BNIP3L: variants seen among roughly 807,000 people sequenced by gnomAD.
BNIP3L encodes the protein BCL2 interacting protein 3 like.
In BNIP3L, 10 loss-of-function variants were observed where a neutral mutation model predicts 25.5. The ratio of observed to expected loss-of-function variants is 0.39; its 90% CI spans 0.24 to 0.67. The LOEUF (loss-of-function observed/expected upper bound fraction) is 0.67, where lower values mean the gene tolerates loss of function less well. Ranked by LOEUF, BNIP3L falls within the 30% of genes least tolerant of loss-of-function variation. The pLI, the probability that BNIP3L is intolerant of heterozygous loss-of-function variation, is 0.45. For missense variants in BNIP3L, 215 were observed against 270.9 expected (o/e 0.79, Z 1.45); for synonymous variants, 113 against 101.2 (o/e 1.12, Z -0.70).
At chr8:26,406,916 T>C (rs973392330) in intron 3 of BNIP3L, among the ~76,000 whole-genome samples, 1 of 152,156 alleles carries the variant, frequency 6.6e-6, no homozygotes, top group African/African-American at 2.4e-5. Flanking sequence ...CTCTCACTTA[T>C]TTTTGTTTTA....
rs564580294 is a variant in BNIP3L, at chr8:26,383,110, A to C, written c.-21A>C. ...CCGGAGACGGTCCTGCTGCTGCCGC[A>C]GTCCTGCCAGCTGTCCGACAATGTC... is the stretch of plus-strand genomic sequence containing the variant. On this transcript the variant is annotated 5_prime_UTR_variant, in exon 1 of 6. Coordinates refer to ENST00000380629, the MANE Select transcript of BNIP3L (RefSeq NM_004331.3). 1 of 1,588,576 alleles carries C rather than the reference A, an allele frequency of 6.3e-7. No individual in the cohort carries two copies. Among genetic ancestry groups the C allele is most frequent in the Non-Finnish European group, 8.6e-7 (1 of 1,165,856 alleles).
At position 26,383,216 on chromosome 8, in the gene BNIP3L, C is replaced by T; in HGVS notation, c.86C>T (p.Pro29Leu). 1 of 1,610,642 alleles carries T rather than the reference C, an allele frequency of 6.2e-7. No homozygotes were observed. Among genetic ancestry groups the T allele is most frequent in the Non-Finnish European group, 8.5e-7 (1 of 1,179,078 alleles). ...CEENEQSLPP[P>L]AGLNSSWVEL... is the part of the protein sequence containing the mutation. ...GAAAATGAGCAGTCTCTGCCCCCGC[C>T]GGCCGGCCTCAACAGTGAGTGCGGG... The change falls in exon 1 of 6, where the codon CCG (proline) becomes CTG (leucine). Residue 29 changes from proline (P) to leucine (L), a missense_variant. Pro to Leu is a moderately conservative substitution (Grantham distance 98). Coordinates refer to ENST00000380629, the MANE Select transcript of BNIP3L (RefSeq NM_004331.3).
At chr8:26,390,670 C>T (rs1806086777) in intron 1 of BNIP3L, among the ~76,000 whole-genome samples, 1 of 152,120 alleles carries the variant, frequency 6.6e-6, no homozygotes, top group Non-Finnish European at 1.5e-5. Flanking sequence ...TTTTATGCTC[C>T]TGATTTGTGC....
intron 1 of BNIP3L, among the ~76,000 whole-genome samples, chr8:26,386,072 A>G (rs1413367762): frequency 6.6e-6 from 1 of 152,224 alleles, no homozygotes; most frequent in East Asian, 1.9e-4. Flanking sequence ...GAAGAAATGT[A>G]CAGATTATCT....
rs1806545224 is a variant in BNIP3L, at chr8:26,408,336, C to A, written c.571C>A (p.Pro191Thr). Reference sequence around the variant, plus strand: ...CGCAGAATTTCTGAAGGTGTTCATTCCATCTCTCTTCCTTTCTCATGTTTT... The same window carrying A: ...CGCAGAATTTCTGAAGGTGTTCATTACATCTCTCTTCCTTTCTCATGTTTT... ...FSAEFLKVFI[P>T]SLFLSHVLAL... Residue 191 changes from proline (P) to threonine (T), a missense_variant, in exon 5 of 6, where the codon CCA becomes ACA. Transcript: ENST00000380629. 6.2e-7 allele frequency: 1 copy of A among 1,614,052 alleles called. No homozygotes were observed. Among genetic ancestry groups the A allele is most frequent in the Admixed American group, 1.7e-5 (1 of 59,998 alleles).
intron 1 of BNIP3L, 84 bp downstream of exon 1, chr8:26,383,314 G>T (rs1010301063): frequency 2.6e-6 from 4 of 1,530,632 alleles, no homozygotes; most frequent in Non-Finnish European, 3.5e-6. Flanking sequence ...CGCGGGAGGC[G>T]GGAGGAGAAG....
Position 26,383,108 on chromosome 8 carries a change from G to T in BNIP3L, c.-23G>T, listed in dbSNP as rs746387752. 7 of 1,583,768 alleles carry T rather than the reference G, an allele frequency of 4.4e-6. No individual in the cohort carries two copies. The highest frequency in any genetic ancestry group is 6.0e-6 in the Non-Finnish European group (7 of 1,163,138). ...TGCCGGAGACGGTCCTGCTGCTGCC[G>T]CAGTCCTGCCAGCTGTCCGACAATG... On this transcript the variant is annotated 5_prime_UTR_variant, in exon 1 of 6. Transcript: ENST00000380629.
At position 26,394,038 on chromosome 8, in the gene BNIP3L, C is replaced by A. The variant is rs151238293; in HGVS notation, c.285-1192C>A. Among the ~76,000 whole-genome samples, 504 of 152,234 alleles carry A rather than the reference C, an allele frequency of 3.3e-3. 11 individuals are homozygous for A. Among genetic ancestry groups the A allele is most frequent in the Admixed American group, 0.028 (434 of 15,298 alleles). On this transcript the variant is annotated intron_variant, in intron 2 of 5. Coordinates refer to ENST00000380629, the MANE Select transcript of BNIP3L (RefSeq NM_004331.3). ...ATAACTTTAATAGTTAATATCTATT[C>A]TTTTCAGCAAGTTAAGCCCCAAATA...
chr8:26,399,969 C>T (rs1308778479), intron 3 of BNIP3L, among the ~76,000 whole-genome samples: 3 of 150,434 alleles, frequency 2.0e-5, no homozygotes, highest in African/African-American at 4.9e-5. Flanking sequence ...GAATCAATAT[C>T]GTGAAAATGG....
At chr8:26,395,186 C>G (rs1806206367) in intron 2 of BNIP3L, 44 bp from the exon 3 acceptor site, 3 of 1,593,260 alleles carry the variant, frequency 1.9e-6, no homozygotes, top group Non-Finnish European at 2.6e-6. Flanking sequence ...AGTCATTTGA[C>G]AAAGTGAGAA....
intron 4 of BNIP3L, 58 bp from the exon 5 acceptor site, chr8:26,408,169 C>T: frequency 6.2e-7 from 1 of 1,611,260 alleles, no homozygotes; most frequent in Admixed American, 1.7e-5. Flanking sequence ...GGCAATGGGC[C>T]TGGTAATCCC....
chr8:26,412,624 CTG>C lies in BNIP3L; in HGVS notation c.*2214_*2215del, dbSNP rs1438889893. Reference sequence around the variant, plus strand: ...TATTATGAGAGCATGTAGTATGTATCTGTAGCCCTAACACATGGGATGAACGT... The same window carrying C: ...TATTATGAGAGCATGTAGTATGTATCTAGCCCTAACACATGGGATGAACGT... On this transcript the variant is annotated 3_prime_UTR_variant, in exon 6 of 6. Transcript: ENST00000380629. 6.6e-6 allele frequency: 1 copy of C among 152,610 alleles called. No individual in the cohort carries two copies. The highest frequency in any genetic ancestry group is 1.5e-5 in the Non-Finnish European group (1 of 68,036). 9.5% of individuals were successfully genotyped at this position (152,610 alleles called of 1,614,324 possible). A position where few individuals can be genotyped will look rare whatever the true frequency, so the allele number is the denominator to read the frequency against.
intron 3 of BNIP3L, 139 bp downstream of exon 3, chr8:26,395,441 TAGG>T: frequency 1.1e-6 from 1 of 924,702 alleles, no homozygotes; most frequent in Non-Finnish European, 1.6e-6. Context: ...GGAATTTATT[TAGG>T]ATGATATAGT....
At position 26,383,214 on chromosome 8, in the gene BNIP3L, G is replaced by A. The variant is rs757524537; in HGVS notation, c.84G>A (p.Pro28=). Reference sequence around the variant, plus strand: ...AGGAAAATGAGCAGTCTCTGCCCCCGCCGGCCGGCCTCAACAGTGAGTGCG... The same window carrying A: ...AGGAAAATGAGCAGTCTCTGCCCCCACCGGCCGGCCTCAACAGTGAGTGCG... The part of the protein sequence containing the change: ...NCEENEQSLP[P]PAGLNSSWVE... The change falls in exon 1 of 6, where the codon CCG becomes CCA. Residue 28 remains proline (P), a synonymous_variant. Coordinates refer to ENST00000380629, the MANE Select transcript of BNIP3L (RefSeq NM_004331.3). 2.5e-6 allele frequency: 4 copies of A among 1,610,486 alleles called. No homozygotes were observed. The highest frequency in any genetic ancestry group is 3.4e-5 in the Admixed American group (2 of 59,690).
chr8:26,410,461 T>C lies in BNIP3L; in HGVS notation c.*49T>C. On this transcript the variant is annotated 3_prime_UTR_variant, in exon 6 of 6. Transcript: ENST00000380629. ...TGCGTGTGACCTGTGAAGTGGTGTA[T>C]TGTCACAGTAGCTTATTTGAACTTG... is the stretch of plus-strand genomic sequence containing the variant. The C allele has an allele frequency of 6.2e-7, 1 of 1,602,916 alleles. No individual in the cohort carries two copies. Among genetic ancestry groups the C allele is most frequent in the South Asian group, 1.1e-5 (1 of 90,854 alleles).
In BNIP3L at chr8:26,410,669, G is replaced by A. The variant is rs143461495; in HGVS notation, c.*257G>A. The A allele has an allele frequency of 5.6e-3, 2,688 of 476,200 alleles. 17 individuals are homozygous for A. Among genetic ancestry groups the A allele is most frequent in the Non-Finnish European group, 6.2e-3 (1,624 of 261,346 alleles). 29.5% of individuals were successfully genotyped at this position (476,200 alleles called of 1,614,324 possible). On this transcript the variant is annotated 3_prime_UTR_variant, in exon 6 of 6. Transcript: ENST00000380629. The stretch of plus-strand genomic sequence containing the variant: ...TACTGTTGTTTAGAAATTTGCAAGG[G>A]CTTCTTTTCCGCAAATGCCACCAGC...
intron 1 of BNIP3L, 24 bp downstream of exon 1, chr8:26,383,254 T>G (rs964862325): frequency 1.9e-6 from 3 of 1,592,922 alleles, no homozygotes; most frequent in Non-Finnish European, 2.6e-6. Flanking sequence ...CGAGGCTCTG[T>G]GAAGGGGATG....
chr8:26,410,696 G>T lies in BNIP3L; in HGVS notation c.*284G>T. On this transcript the variant is annotated 3_prime_UTR_variant, in exon 6 of 6. Coordinates refer to ENST00000380629, the MANE Select transcript of BNIP3L (RefSeq NM_004331.3). ...TTCTTTTCCGCAAATGCCACCAGCA[G>T]ATTATAATTTTGTCAGCAATGCTAT... 2.4e-6 allele frequency: 1 copy of T among 423,954 alleles called. No individual in the cohort carries two copies. Among genetic ancestry groups the T allele is most frequent in the Non-Finnish European group, 4.4e-6 (1 of 228,152 alleles). The allele number at this position is 423,954 out of a possible 1,614,324, so 26.3% of individuals were successfully genotyped here. A position where few individuals can be genotyped will look rare whatever the true frequency, so the allele number is the denominator to read the frequency against.
At chr8:26,387,538 G>C (rs1031509969) in intron 1 of BNIP3L, among the ~76,000 whole-genome samples, 1 of 152,178 alleles carries the variant, frequency 6.6e-6, no homozygotes, top group African/African-American at 2.4e-5. Flanking sequence ...GATTGGTAGA[G>C]TTAGAACACT....
Sources: gnomAD v4.1 joint callset for allele counts (sites outside exome capture counted in the v4.1 genomes callset) on GRCh38, gnomAD v4.1.1 for gene constraint, MANE v1.5 for transcripts, NCBI Gene and HGNC (gene_info 2026-07-23, HGNC 2026-07-21) for gene names.